The following OPCML variants were observed in gnomAD, a reference collection of about 807,000 sequenced individuals.
OPCML encodes opioid binding protein/cell adhesion molecule like.
Under a neutral mutation model 37.8 loss-of-function variants are expected in OPCML, and 13 were observed. The observed-to-expected ratio is 0.34, with a 90% confidence interval of 0.22 to 0.55. OPCML has a LOEUF of 0.55. OPCML is among the 20% of genes least tolerant of loss of function. The probability of loss-of-function intolerance (pLI) is 0.91; values close to 1 mark genes in which losing one functional copy is unlikely to be tolerated. For missense variants in OPCML, 341 were observed against 435.6 expected (o/e 0.78, Z 1.93); for synonymous variants, 176 against 168.8 (o/e 1.04, Z -0.33).
chr11:133,073,441 G>A (rs973623037), intron 1 of OPCML, among the ~76,000 whole-genome samples: 1 of 152,222 alleles, frequency 6.6e-6, no homozygotes, highest in Admixed American at 6.5e-5. Flanking sequence ...TCTCCTAGCA[G>A]GACTCCAACC....
At chr11:132,818,554 G>A (rs1436692031) in intron 2 of OPCML, among the ~76,000 whole-genome samples, 10 of 149,856 alleles carry the variant, frequency 6.7e-5, no homozygotes, top group African/African-American at 2.0e-4. Context: ...CTTGCTCGCC[G>A]TGTGAGCCAA....
chr11:132,833,663 T>A (rs2136284391), intron 2 of OPCML, among the ~76,000 whole-genome samples: 1 of 152,332 alleles, frequency 6.6e-6, no homozygotes, highest in South Asian at 2.1e-4. Flanking sequence ...GTAGATTTGT[T>A]TACACCAGCA....
intron 1 of OPCML, among the ~76,000 whole-genome samples, chr11:133,216,863 T>C (rs1279733968): frequency 4.6e-5 from 7 of 152,230 alleles, no homozygotes; most frequent in Non-Finnish European, 1.0e-4. Context: ...TGCTCATATG[T>C]ATATTTGTAT....
At chr11:133,022,319 T>G (rs1191354500) in intron 1 of OPCML, among the ~76,000 whole-genome samples, 1 of 152,190 alleles carries the variant, frequency 6.6e-6, no homozygotes, top group Non-Finnish European at 1.5e-5. Flanking sequence ...TTCCCACTCA[T>G]GCCTTTCTTC....
intron 1 of OPCML, among the ~76,000 whole-genome samples, chr11:132,986,804 T>A (rs996525841): frequency 6.6e-6 from 1 of 152,086 alleles, no homozygotes; most frequent in Non-Finnish European, 1.5e-5. Flanking sequence ...TCCAGTAAAC[T>A]AAAATAGGAA....
intron 1 of OPCML, among the ~76,000 whole-genome samples, chr11:133,159,536 T>C (rs1011859614): frequency 6.6e-6 from 1 of 152,246 alleles, no homozygotes; most frequent in African/African-American, 2.4e-5. Flanking sequence ...ATAAAATTTC[T>C]GCTTGGAATT....
chr11:132,791,739 C>A (rs1049228020), intron 2 of OPCML, among the ~76,000 whole-genome samples: 1 of 152,310 alleles, frequency 6.6e-6, no homozygotes, highest in East Asian at 1.9e-4. Flanking sequence ...GCAGGAGACT[C>A]TCTTTCTGAT....
intron 1 of OPCML, among the ~76,000 whole-genome samples, chr11:132,982,829 G>C (rs957297546): frequency 6.6e-6 from 1 of 152,130 alleles, no homozygotes; most frequent in African/African-American, 2.4e-5. Context: ...TAATAAGCCA[G>C]CTCTCTCTAT....
At chr11:132,833,544 G>A (rs762553308) in intron 2 of OPCML, among the ~76,000 whole-genome samples, 15 of 152,318 alleles carry the variant, frequency 9.8e-5, no homozygotes, top group African/African-American at 3.6e-4. Context: ...ATGATAAAAG[G>A]TGTGGTGATG....
At chr11:132,717,116 G>A (rs887716228) in intron 2 of OPCML, among the ~76,000 whole-genome samples, 1 of 152,112 alleles carries the variant, frequency 6.6e-6, no homozygotes, top group Non-Finnish European at 1.5e-5. Flanking sequence ...TACTGTACAA[G>A]GATGGGAAGG....
chr11:132,481,163 G>A (rs1286672278), intron 4 of OPCML, among the ~76,000 whole-genome samples: 2 of 152,184 alleles, frequency 1.3e-5, no homozygotes, highest in African/African-American at 4.8e-5. Flanking sequence ...TCAGTGTGCT[G>A]TATTCAGGAA....
At chr11:132,682,529 A>T (rs1053026007) in intron 2 of OPCML, among the ~76,000 whole-genome samples, 1 of 152,222 alleles carries the variant, frequency 6.6e-6, no homozygotes. Context: ...CATCTTTGGG[A>T]CATTAATTAA....
intron 1 of OPCML, among the ~76,000 whole-genome samples, chr11:133,499,577 C>T (rs1947860369): frequency 6.6e-6 from 1 of 151,680 alleles, no homozygotes; most frequent in Non-Finnish European, 1.5e-5. Flanking sequence ...GGGCTGCACT[C>T]GTAGTTCATC....
In OPCML at chr11:132,619,334, C is replaced by T. The variant is rs576933199; in HGVS notation, c.379+37753G>A. On this transcript the variant is annotated intron_variant, in intron 3 of 7. Transcript: ENST00000524381. ...CTAATTCTGTAATAGAATCTCTCTTCCTATTGGACCTCAGATTTCACAAAG... is the reference window on the plus strand; with the variant it reads ...CTAATTCTGTAATAGAATCTCTCTTTCTATTGGACCTCAGATTTCACAAAG... Among the ~76,000 whole-genome samples, 13 of 152,268 alleles carry T rather than the reference C, an allele frequency of 8.5e-5. No homozygotes were observed. The South Asian group carries it at 2.7e-3, about 32-fold the overall frequency.
chr11:133,386,915 G>C (rs1487404645), intron 1 of OPCML, among the ~76,000 whole-genome samples: 1 of 152,106 alleles, frequency 6.6e-6, no homozygotes, highest in African/African-American at 2.4e-5. Context: ...TATCTGTGAG[G>C]GCTGAGTGAA....
chr11:133,168,376 A>T (rs1421294691), intron 1 of OPCML, among the ~76,000 whole-genome samples: 1 of 152,132 alleles, frequency 6.6e-6, no homozygotes, highest in Non-Finnish European at 1.5e-5. Flanking sequence ...GGGGAAGGTG[A>T]TTATGCCAAT....
At chr11:132,436,509 GTTGTAAAAATAGACT>G in intron 6 of OPCML, 135 bp downstream of exon 6, 2 of 1,422,518 alleles carry the variant, frequency 1.4e-6, no homozygotes, top group Non-Finnish European at 1.9e-6. Context: ...TTTTTTTCTC[GTTGTAAAAATAGACT>G]TTGTTACAAA....
chr11:132,895,558 G>T (rs915645980), intron 2 of OPCML, among the ~76,000 whole-genome samples: 2 of 152,314 alleles, frequency 1.3e-5, no homozygotes, highest in Middle Eastern at 3.4e-3. Flanking sequence ...TGAGGCCATT[G>T]GTTGAGACAG....
intron 1 of OPCML, among the ~76,000 whole-genome samples, chr11:132,958,781 A>G (rs1214616620): frequency 6.6e-6 from 1 of 151,930 alleles, no homozygotes; most frequent in Non-Finnish European, 1.5e-5. Flanking sequence ...TTTACTGAAT[A>G]TTTTAAGCTC....
Sources: allele counts gnomAD v4.1 joint callset (sites outside exome capture counted in the v4.1 genomes callset), GRCh38; gene constraint gnomAD v4.1.1; transcripts MANE v1.5; gene names NCBI Gene and HGNC (gene_info 2026-07-23, HGNC 2026-07-21).